The following SPECC1 variants were observed in gnomAD, a reference collection of about 807,000 sequenced individuals.
SPECC1 encodes cytospin-B.
Under a neutral mutation model 104.1 loss-of-function variants are expected in SPECC1, and 62 were observed. The observed-to-expected ratio is 0.60, with a 90% CI of 0.49 to 0.74. The LOEUF (loss-of-function observed/expected upper bound fraction) is 0.74, where lower values mean the gene tolerates loss of function less well. SPECC1 is among the 30% of genes least tolerant of loss of function. The probability of loss-of-function intolerance (pLI) is 0.00; values close to 1 mark genes in which losing one functional copy is unlikely to be tolerated. For missense variants in SPECC1, 1,306 were observed against 1,310.5 expected (o/e 1.00, Z 0.05); for synonymous variants, 513 against 501.6 (o/e 1.02, Z -0.30).
intron 1 of SPECC1, among the ~76,000 whole-genome samples, chr17:20,028,919 C>T (rs1461922672): frequency 3.3e-5 from 5 of 152,140 alleles, no homozygotes; most frequent in African/African-American, 1.2e-4. Flanking sequence ...TGTGCCACCA[C>T]GCCTGACTAA....
chr17:20,233,626 A>G (rs758849348), intron 7 of SPECC1, among the ~76,000 whole-genome samples: 5 of 152,190 alleles, frequency 3.3e-5, no homozygotes, highest in Non-Finnish European at 7.4e-5. Context: ...CTTCTGCCTC[A>G]GCCTTCTGAC....
intron 13 of SPECC1, among the ~76,000 whole-genome samples, chr17:20,297,407 G>A (rs2041390509): frequency 6.6e-6 from 1 of 152,214 alleles, no homozygotes; most frequent in African/African-American, 2.4e-5. Context: ...CACATTTTCA[G>A]AGAGCATGGT....
At chr17:20,042,029 G>T (rs1413593502) in intron 1 of SPECC1, among the ~76,000 whole-genome samples, 6 of 152,080 alleles carry the variant, frequency 3.9e-5, no homozygotes, top group African/African-American at 1.4e-4. Context: ...CTTTCAGTTT[G>T]GGATCTTCCT....
chr17:20,085,854 C>G (rs1298335361), intron 1 of SPECC1, among the ~76,000 whole-genome samples: 1 of 152,198 alleles, frequency 6.6e-6, no homozygotes. Flanking sequence ...GGGATATCCA[C>G]CACGACTCTG....
intron 12 of SPECC1, among the ~76,000 whole-genome samples, chr17:20,279,323 C>CT (rs548300449): frequency 0.029 from 3,338 of 113,698 alleles, 123 homozygotes; most frequent in African/African-American, 0.09. Context: ...TTTTTTTTTT[C>CT]TTTTTTTTTT....
At chr17:20,118,426 C>T (rs2048869487) in intron 3 of SPECC1, among the ~76,000 whole-genome samples, 1 of 152,138 alleles carries the variant, frequency 6.6e-6, no homozygotes, top group Admixed American at 6.5e-5. Flanking sequence ...AGTATGTATT[C>T]ATACAGGGCT....
chr17:20,266,550 C>T (rs1386597477), intron 12 of SPECC1, among the ~76,000 whole-genome samples: 1 of 152,210 alleles, frequency 6.6e-6, no homozygotes, highest in African/African-American at 2.4e-5. Flanking sequence ...CGCCACTGCA[C>T]TCCAGCCTGG....
intron 3 of SPECC1, among the ~76,000 whole-genome samples, chr17:20,188,244 T>A (rs2035409542): frequency 7.2e-6 from 1 of 138,044 alleles, no homozygotes; most frequent in Non-Finnish European, 1.5e-5. Context: ...TCCTTAGGTA[T>A]CAAAAGACAT....
intron 4 of SPECC1, among the ~76,000 whole-genome samples, chr17:20,219,780 ATGT>A (rs1486042851): frequency 2.6e-5 from 4 of 152,088 alleles, no homozygotes; most frequent in Non-Finnish European, 4.4e-5. Flanking sequence ...AGTTTCCCCA[ATGT>A]TGTTGGTTTT....
intron 12 of SPECC1, among the ~76,000 whole-genome samples, chr17:20,265,480 G>A (rs149913191): frequency 1.5e-3 from 223 of 152,158 alleles, no homozygotes; most frequent in Middle Eastern, 6.8e-3. Flanking sequence ...GTGGATTTAA[G>A]TTCTTATAGA....
chr17:20,062,910 A>G (rs1246514899), intron 1 of SPECC1, among the ~76,000 whole-genome samples: 2 of 151,898 alleles, frequency 1.3e-5, no homozygotes, highest in Non-Finnish European at 2.9e-5. Context: ...CTGGTCTCGA[A>G]CTCCTGACCT....
chr17:20,199,944 A>G (rs1273294920), intron 3 of SPECC1, among the ~76,000 whole-genome samples: 1 of 151,954 alleles, frequency 6.6e-6, no homozygotes, highest in Non-Finnish European at 1.5e-5. Flanking sequence ...CGTTTGTGGC[A>G]CCACCGCCCG....
chr17:20,284,611 C>T lies in SPECC1; in HGVS notation c.2941-12350C>T, dbSNP rs974378453. ...TATGTGTGCATTTGCTTTGTATCCT[C>T]TCTGACCAGACCTTCAAAGTAAGTG... On this transcript the variant is annotated intron_variant, in intron 12 of 14. Transcript: ENST00000395527. Among the ~76,000 whole-genome samples, 4 of 152,264 alleles carry T rather than the reference C, an allele frequency of 2.6e-5. 1 individual carries two copies. The South Asian group carries it at 8.3e-4, about 31-fold the overall frequency.
intron 1 of SPECC1, among the ~76,000 whole-genome samples, chr17:20,011,508 C>A (rs577522297): frequency 6.6e-6 from 1 of 151,472 alleles, no homozygotes; most frequent in East Asian, 1.9e-4. Context: ...TTTTTTGGTA[C>A]CTTTTCTCTT....
chr17:20,205,944 C>A, intron 4 of SPECC1, 32 bp downstream of exon 4: 1 of 1,575,354 alleles, frequency 6.3e-7, no homozygotes, highest in Non-Finnish European at 8.6e-7. Context: ...CTGGTATTTG[C>A]TCATCCTTGT....
intron 12 of SPECC1, among the ~76,000 whole-genome samples, chr17:20,295,395 A>T (rs7223481): frequency 6.6e-6 from 1 of 152,106 alleles, no homozygotes; most frequent in Non-Finnish European, 1.5e-5. Context: ...TACATGTGCC[A>T]CATTTTCTTA....
chr17:20,179,390 G>A (rs1235464738), intron 3 of SPECC1, among the ~76,000 whole-genome samples: 1 of 152,246 alleles, frequency 6.6e-6, no homozygotes, highest in African/African-American at 2.4e-5. Flanking sequence ...TTGCTTTGCA[G>A]CATTAGTTCC....
chr17:20,103,654 CCT>C (rs1312141531), intron 2 of SPECC1, among the ~76,000 whole-genome samples: 1 of 152,128 alleles, frequency 6.6e-6, no homozygotes, highest in African/African-American at 2.4e-5. Flanking sequence ...TCTTCCCTTC[CCT>C]CTCCCACATA....
intron 3 of SPECC1, among the ~76,000 whole-genome samples, chr17:20,127,437 C>CTTTTT (rs369424296): frequency 8.6e-5 from 9 of 104,492 alleles, no homozygotes; most frequent in Admixed American, 2.3e-4. Flanking sequence ...ATCAGGTCAT[C>CTTTTT]TTTTTTTTTT....
Sources: gnomAD v4.1 joint callset for allele counts (sites outside exome capture counted in the v4.1 genomes callset) on GRCh38, gnomAD v4.1.1 for gene constraint, MANE v1.5 for transcripts, NCBI Gene and HGNC (gene_info 2026-07-23, HGNC 2026-07-21) for gene names.